Variants in POU3F3 observed in about 807,000 individuals in gnomAD.
The protein encoded by POU3F3 is POU class 3 homeobox 3, also known as POU domain, class 3, transcription factor 3.
POU3F3 carries 1 observed loss-of-function variant against 8.6 expected under a neutral mutation model. That is an observed-to-expected ratio of 0.12 (90% CI 0.04 to 0.55). The LOEUF is 0.55. POU3F3 is among the 20% of genes least tolerant of loss of function. The probability of loss-of-function intolerance (pLI) is 0.91; values close to 1 mark genes in which losing one functional copy is unlikely to be tolerated. For synonymous variants in POU3F3, 418 were observed against 327.4 expected (o/e 1.28, Z -2.99); for missense variants, 577 against 690.7 (o/e 0.84, Z 1.84).
the POU3F3 span, among the ~76,000 whole-genome samples, chr2:104,877,714 A>G: frequency 1.4e-5 from 2 of 143,802 alleles, no homozygotes; most frequent in African/African-American, 5.2e-5. Flanking sequence ...GCTGGAGTGC[A>G]GTGGCACAAT....
chr2:104,889,356 G>C, the POU3F3 span, among the ~76,000 whole-genome samples: 1 of 152,100 alleles, frequency 6.6e-6, no homozygotes, highest in Non-Finnish European at 1.5e-5. Context: ...TTCCCACCTC[G>C]CAGATTGAAT....
downstream of POU3F3, among the ~76,000 whole-genome samples, chr2:104,861,987 G>A (rs1315929116): frequency 6.6e-6 from 1 of 152,230 alleles, no homozygotes; most frequent in Admixed American, 6.5e-5. Context: ...TGCGCAGGCT[G>A]GAGGAGCTGG....
chr2:104,913,191 C>CT, the POU3F3 span, among the ~76,000 whole-genome samples: 40,173 of 146,184 alleles, frequency 0.27, 5,284 homozygotes, highest in East Asian at 0.36. Flanking sequence ...GGCCTGTTGG[C>CT]TTTTTTTTTT....
At chr2:104,887,933 A>T in the POU3F3 span, among the ~76,000 whole-genome samples, 2 of 152,252 alleles carry the variant, frequency 1.3e-5, no homozygotes, top group African/African-American at 4.8e-5. Flanking sequence ...ATTCTGAATA[A>T]CAATTAGGAG....
At chr2:104,881,892 G>A in the POU3F3 span, among the ~76,000 whole-genome samples, 3 of 152,290 alleles carry the variant, frequency 2.0e-5, no homozygotes, top group East Asian at 5.8e-4. Context: ...TCTGTCAATA[G>A]ATGATTATCA....
chr2:104,916,384 T>C, the POU3F3 span, among the ~76,000 whole-genome samples: 1 of 152,152 alleles, frequency 6.6e-6, no homozygotes, highest in African/African-American at 2.4e-5. Context: ...CAGATTATTA[T>C]CTCATGGTTC....
the POU3F3 span, among the ~76,000 whole-genome samples, chr2:104,875,888 T>C: frequency 1.3e-5 from 2 of 151,952 alleles, no homozygotes; most frequent in Non-Finnish European, 2.9e-5. Flanking sequence ...AGCTAATTTT[T>C]TGTATTTTTA....
At chr2:104,874,666 T>C in the POU3F3 span, among the ~76,000 whole-genome samples, 628 of 152,226 alleles carry the variant, frequency 4.1e-3, 3 homozygotes, top group African/African-American at 0.014. Flanking sequence ...GGGAAGATGA[T>C]AGATCTCACC....
At chr2:104,876,764 G>C in the POU3F3 span, among the ~76,000 whole-genome samples, 1 of 152,214 alleles carries the variant, frequency 6.6e-6, no homozygotes, top group African/African-American at 2.4e-5. Context: ...TGACAGGATG[G>C]TTGGCACAGG....
chr2:104,855,379 G>T lies in POU3F3; in HGVS notation c.-132G>T. 3.4e-6 allele frequency: 1 copy of T among 296,434 alleles called. No homozygotes were observed. The highest frequency in any genetic ancestry group is 4.8e-6 in the Non-Finnish European group (1 of 209,676). 18.4% of individuals were successfully genotyped at this position (296,434 alleles called of 1,614,324 possible). A position where few individuals can be genotyped will look rare whatever the true frequency, so the allele number is the denominator to read the frequency against. On this transcript the variant is annotated 5_prime_UTR_variant, in exon 1 of 1. Coordinates refer to ENST00000361360, the MANE Select transcript of POU3F3 (RefSeq NM_006236.3). ...GCGGGGCCGGCGGGGGCCCGGGGCG[G>T]GGGCGGGGAAGGAGGGGGGGAGGAG...
the POU3F3 span, among the ~76,000 whole-genome samples, chr2:104,919,770 T>G: frequency 6.6e-6 from 1 of 151,942 alleles, no homozygotes; most frequent in South Asian, 2.1e-4. Context: ...CCTCTTCTCC[T>G]CCCTTGTCTC....
At chr2:104,889,105 A>G in the POU3F3 span, among the ~76,000 whole-genome samples, 1 of 152,248 alleles carries the variant, frequency 6.6e-6, no homozygotes, top group Non-Finnish European at 1.5e-5. Flanking sequence ...ACTAGGAGCC[A>G]GAGGCTGTGC....
chr2:104,886,449 A>C, the POU3F3 span, among the ~76,000 whole-genome samples: 1 of 152,166 alleles, frequency 6.6e-6, no homozygotes, highest in Non-Finnish European at 1.5e-5. Flanking sequence ...AACAGGCTAT[A>C]CCATGCAGGT....
chr2:104,902,856 A>G, the POU3F3 span, among the ~76,000 whole-genome samples: 1 of 152,188 alleles, frequency 6.6e-6, no homozygotes, highest in Non-Finnish European at 1.5e-5. Flanking sequence ...ACTATTCACC[A>G]CACTGAGACA....
the POU3F3 span, among the ~76,000 whole-genome samples, chr2:104,883,674 A>T: frequency 6.6e-6 from 1 of 151,904 alleles, no homozygotes; most frequent in East Asian, 1.9e-4. Context: ...TATTTCTAGC[A>T]CTCTTCCGTA....
the POU3F3 span, among the ~76,000 whole-genome samples, chr2:104,920,744 G>C: frequency 6.6e-6 from 1 of 152,204 alleles, no homozygotes; most frequent in Non-Finnish European, 1.5e-5. Context: ...TATACATGTA[G>C]CTACATGTAG....
the POU3F3 span, among the ~76,000 whole-genome samples, chr2:104,890,322 C>T: frequency 6.6e-6 from 1 of 151,912 alleles, no homozygotes; most frequent in Non-Finnish European, 1.5e-5. Context: ...TTCCTTTTTG[C>T]CCAATAAATT....
chr2:104,861,330 A>G (rs367723958), downstream of POU3F3, among the ~76,000 whole-genome samples: 2 of 152,322 alleles, frequency 1.3e-5, no homozygotes, highest in African/African-American at 4.8e-5. Flanking sequence ...AATGGATGCA[A>G]CAAGTATTGG....
the POU3F3 span, among the ~76,000 whole-genome samples, chr2:104,925,608 T>G: frequency 4.6e-5 from 7 of 152,108 alleles, no homozygotes; most frequent in Admixed American, 1.3e-4. Context: ...AGAAACATCC[T>G]CGAATGCAAA....
Sources: allele counts gnomAD v4.1 joint callset (sites outside exome capture counted in the v4.1 genomes callset), GRCh38; gene constraint gnomAD v4.1.1; transcripts MANE v1.5; gene names NCBI Gene and HGNC (gene_info 2026-07-23, HGNC 2026-07-21).